The following CORIN variants were observed in gnomAD, a reference collection of about 807,000 sequenced individuals.
CORIN encodes corin, serine peptidase.
CORIN carries 117 observed loss-of-function variants against 125.3 expected under a neutral mutation model. The observed-to-expected ratio is 0.93, with a 90% CI of 0.80 to 1.09. The LOEUF (loss-of-function observed/expected upper bound fraction) is 1.09, where lower values mean the gene tolerates loss of function less well. CORIN is among the 50% of genes least tolerant of loss of function. The pLI is 0.00. For synonymous variants in CORIN, 450 were observed against 466.4 expected (o/e 0.96, Z 0.45); for missense variants, 1,253 against 1,306.7 (o/e 0.96, Z 0.63).
chr4:47,818,337 A>C (rs942628733), intron 1 of CORIN, among the ~76,000 whole-genome samples: 1 of 152,208 alleles, frequency 6.6e-6, no homozygotes, highest in African/African-American at 2.4e-5. Context: ...AGTTGCACCC[A>C]GGTCTAATAC....
intron 1 of CORIN, among the ~76,000 whole-genome samples, chr4:47,812,605 T>C (rs992802301): frequency 7.9e-5 from 12 of 152,200 alleles, no homozygotes; most frequent in African/African-American, 1.7e-4. Context: ...ACATGCATCA[T>C]AGACTATAGG....
intron 4 of CORIN, 83 bp from the exon 5 acceptor site, chr4:47,744,666 CT>C (rs780489051): frequency 1.7e-4 from 220 of 1,305,850 alleles, no homozygotes; most frequent in Non-Finnish European, 2.2e-4. Flanking sequence ...AAGTTAGCCC[CT>C]GTGTTGTGAT....
At chr4:47,800,677 G>T (rs532438138) in intron 2 of CORIN, among the ~76,000 whole-genome samples, 11 of 152,292 alleles carry the variant, frequency 7.2e-5, no homozygotes, top group African/African-American at 2.4e-4. Context: ...GTCTTAGCCT[G>T]AGAGCAGGCC....
At chr4:47,757,399 G>A (rs1249787928) in intron 4 of CORIN, among the ~76,000 whole-genome samples, 1 of 152,022 alleles carries the variant, frequency 6.6e-6, no homozygotes, top group Non-Finnish European at 1.5e-5. Context: ...TTCGAGACCA[G>A]CCTGGCCAAT....
intron 2 of CORIN, among the ~76,000 whole-genome samples, chr4:47,793,425 G>A (rs1488780180): frequency 1.3e-5 from 2 of 152,138 alleles, no homozygotes; most frequent in Non-Finnish European, 2.9e-5. Context: ...TTAATGGACA[G>A]TTAAAGAAAG....
intron 5 of CORIN, among the ~76,000 whole-genome samples, chr4:47,707,308 C>G (rs1185679133): frequency 6.6e-6 from 1 of 152,172 alleles, no homozygotes; most frequent in African/African-American, 2.4e-5. Flanking sequence ...TTCTCAGCAA[C>G]TATCCTATGA....
intron 1 of CORIN, among the ~76,000 whole-genome samples, chr4:47,818,601 T>TCTTTG (rs1369929998): frequency 1.3e-5 from 2 of 152,172 alleles, no homozygotes. Context: ...TCAGACAAGG[T>TCTTTG]GGCTCACACC....
At chr4:47,751,077 A>C (rs374345997) in intron 4 of CORIN, among the ~76,000 whole-genome samples, 12 of 152,308 alleles carry the variant, frequency 7.9e-5, no homozygotes, top group Admixed American at 2.6e-4. Context: ...TTTCTTCCTC[A>C]GGGATCCAAT....
At chr4:47,800,231 G>C (rs1731480835) in intron 2 of CORIN, among the ~76,000 whole-genome samples, 1 of 151,708 alleles carries the variant, frequency 6.6e-6, no homozygotes, top group African/African-American at 2.4e-5. Flanking sequence ...TAAATGGTTG[G>C]ATTGAATGGT....
At chr4:47,613,273 T>C (rs371675722) in intron 19 of CORIN, among the ~76,000 whole-genome samples, 3 of 152,048 alleles carry the variant, frequency 2.0e-5, no homozygotes, top group African/African-American at 7.2e-5. Context: ...GCCAACATAG[T>C]GAAACCCCAT....
At chr4:47,621,791 T>C (rs1001739976) in intron 19 of CORIN, among the ~76,000 whole-genome samples, 4 of 152,162 alleles carry the variant, frequency 2.6e-5, no homozygotes, top group Non-Finnish European at 5.9e-5. Flanking sequence ...TCAGCGGACT[T>C]TGAGTAAAGC....
chr4:47,705,845 C>A (rs1052286408), intron 5 of CORIN, among the ~76,000 whole-genome samples: 2 of 136,132 alleles, frequency 1.5e-5, no homozygotes, highest in African/African-American at 7.5e-5. Context: ...TGTGAAGTGC[C>A]CCCCGTGTGT....
intron 2 of CORIN, among the ~76,000 whole-genome samples, chr4:47,803,214 A>G (rs1049603924): frequency 2.6e-5 from 4 of 152,226 alleles, no homozygotes; most frequent in African/African-American, 9.6e-5. Flanking sequence ...GAGGACACCA[A>G]AAAATGGCAA....
intron 3 of CORIN, among the ~76,000 whole-genome samples, chr4:47,786,402 G>C (rs112716327): frequency 0.16 from 23,837 of 151,904 alleles, 2,211 homozygotes; most frequent in East Asian, 0.29. Context: ...TTAGCTGGGC[G>C]TGGTGGCGGG....
At chr4:47,776,690 A>C (rs1013245782) in intron 3 of CORIN, among the ~76,000 whole-genome samples, 3 of 152,226 alleles carry the variant, frequency 2.0e-5, no homozygotes, top group Non-Finnish European at 4.4e-5. Flanking sequence ...TGAGAAAATT[A>C]CAAAATTTTA....
intron 3 of CORIN, among the ~76,000 whole-genome samples, chr4:47,764,977 C>G (rs1020641144): frequency 2.6e-5 from 4 of 151,988 alleles, no homozygotes; most frequent in Non-Finnish European, 5.9e-5. Context: ...GCCAAAGAAA[C>G]CACTGAATAT....
rs138918162 is a variant in CORIN, at chr4:47,718,200, T to C, written c.800-25117A>G. Reference sequence around the variant, plus strand: ...TCTTTCCTCCAATAAACATTAGGATTAGCCTACTTATTCTGTTGCTCCCAA... The same window carrying C: ...TCTTTCCTCCAATAAACATTAGGATCAGCCTACTTATTCTGTTGCTCCCAA... On this transcript the variant is annotated intron_variant, in intron 5 of 21. Transcript: ENST00000273857. Among the ~76,000 whole-genome samples the C allele has an allele frequency of 3.9e-5, 6 of 152,320 alleles. No homozygotes were observed. The East Asian group carries it at 1.2e-3, about 29-fold the overall frequency.
At chr4:47,643,010 C>T (rs1197466289) in intron 15 of CORIN, 136 bp downstream of exon 15, 2 of 1,542,106 alleles carry the variant, frequency 1.3e-6, no homozygotes, top group South Asian at 1.2e-5. Flanking sequence ...TAGATCAGCA[C>T]TATCAGCTTT....
intron 5 of CORIN, 72 bp downstream of exon 5, chr4:47,744,330 T>C: frequency 7.5e-7 from 1 of 1,341,068 alleles, no homozygotes. Flanking sequence ...ACTTATTATT[T>C]ATATCCATTC....
Sources: allele counts gnomAD v4.1 joint callset (sites outside exome capture counted in the v4.1 genomes callset), GRCh38; gene constraint gnomAD v4.1.1; transcripts MANE v1.5; gene names NCBI Gene and HGNC (gene_info 2026-07-23, HGNC 2026-07-21).